The following PKN2 variants were observed in gnomAD, a reference collection of about 807,000 sequenced individuals.
PKN2 encodes protein kinase N2.
A neutral mutation model predicts 119.1 loss-of-function variants in PKN2; 38 were observed. That is an observed-to-expected ratio of 0.32 (90% CI 0.25 to 0.42). The LOEUF is 0.42. Ranked by LOEUF, PKN2 falls within the 10% of genes least tolerant of loss-of-function variation. The probability of loss-of-function intolerance (pLI) is 1.00; values close to 1 mark genes in which losing one functional copy is unlikely to be tolerated. For synonymous variants in PKN2, 390 were observed against 384.9 expected (o/e 1.01, Z -0.15); for missense variants, 850 against 1,165.1 (o/e 0.73, Z 3.94).
chr1:88,801,876 T>C (rs2100866711), intron 8 of PKN2, among the ~76,000 whole-genome samples: 2 of 152,372 alleles, frequency 1.3e-5, no homozygotes, highest in East Asian at 1.9e-4. Context: ...CCTGCATCCA[T>C]TGGCTGGAGC....
rs996487624 is a variant in PKN2, at chr1:88,729,135, C to G, written c.49-11853C>G. On this transcript the variant is annotated intron_variant, in intron 1 of 21. Transcript: ENST00000370521. ...TCTTGAACTCCTGACCTCAGGTGAT[C>G]TGCCCGCCTCGTCCTCCCAAAGTGT... Among the ~76,000 whole-genome samples, 10 of 152,252 alleles carry G rather than the reference C, an allele frequency of 6.6e-5. No individual in the cohort carries two copies. The East Asian group carries it at 1.9e-3, about 29-fold the overall frequency.
In PKN2 at chr1:88,807,391, ACTC is replaced by A. The variant is rs1671588585; in HGVS notation, c.1886_1888del (p.Pro629del). The A allele has an allele frequency of 1.9e-6, 3 of 1,603,014 alleles. No individual in the cohort carries two copies. The highest frequency in any genetic ancestry group is 2.7e-5 in the African/African-American group (2 of 74,628). Reference sequence around the variant, plus strand: ...ATCTCAATCTGAATACAAGCCTGATACTCCTCAGTCAGGCCTAGAATATAGTGG... The same window carrying A: ...ATCTCAATCTGAATACAAGCCTGATACTCAGTCAGGCCTAGAATATAGTGG... On this transcript the variant is annotated inframe_deletion, in exon 13 of 22. Transcript: ENST00000370521.
At chr1:88,769,197 C>T (rs1669786413) in intron 3 of PKN2, among the ~76,000 whole-genome samples, 2 of 152,144 alleles carry the variant, frequency 1.3e-5, no homozygotes, top group African/African-American at 4.8e-5. Flanking sequence ...TCACTTAATT[C>T]AGAGCTTTTT....
chr1:88,770,202 A>G (rs1669827538), intron 3 of PKN2, 150 bp from the exon 4 acceptor site: 1 of 475,770 alleles, frequency 2.1e-6, no homozygotes, highest in Non-Finnish European at 3.8e-6. Context: ...TTTTTAGTAA[A>G]TGTATCTATA....
intron 2 of PKN2, among the ~76,000 whole-genome samples, chr1:88,745,938 A>G (rs1318706589): frequency 1.3e-5 from 2 of 152,274 alleles, no homozygotes; most frequent in East Asian, 1.9e-4. Context: ...AATTCAAATC[A>G]ATTGATTTTT....
At chr1:88,805,037 T>C in intron 10 of PKN2, 116 bp downstream of exon 10, 1 of 568,182 alleles carries the variant, frequency 1.8e-6, no homozygotes. Context: ...ATTCATTTAT[T>C]TCTAACTTCT....
chr1:88,721,657 T>A (rs75493520), intron 1 of PKN2, among the ~76,000 whole-genome samples: 1 of 152,218 alleles, frequency 6.6e-6, no homozygotes, highest in African/African-American at 2.4e-5. Context: ...GGTATTATGG[T>A]AAGTTAATTA....
At chr1:88,785,058 T>C (rs1290750702) in intron 7 of PKN2, among the ~76,000 whole-genome samples, 1 of 152,202 alleles carries the variant, frequency 6.6e-6, no homozygotes, top group Non-Finnish European at 1.5e-5. Context: ...GAATGAAATA[T>C]TGAGCATCAC....
intron 19 of PKN2, among the ~76,000 whole-genome samples, chr1:88,830,315 T>G (rs181782885): frequency 3.7e-4 from 56 of 152,262 alleles, no homozygotes; most frequent in Non-Finnish European, 7.2e-4. Context: ...TTAGAAAAGC[T>G]GTTGTGCAGT....
chr1:88,760,331 A>G lies in PKN2; in HGVS notation c.459A>G (p.Gln153=), dbSNP rs769831827. 6.4e-7 allele frequency: 1 copy of G among 1,572,308 alleles called. No individual in the cohort carries two copies. Among genetic ancestry groups the G allele is most frequent in the South Asian group, 1.1e-5 (1 of 89,342 alleles). Residue 153 remains glutamine (Q), a synonymous_variant, in exon 3 of 22, where the codon CAA becomes CAG. Coordinates refer to ENST00000370521, the MANE Select transcript of PKN2 (RefSeq NM_006256.4). ...KQLDIELKVK[Q]GAENMIQMYS... is the part of the protein sequence containing the mutation. ...TGGATATAGAACTTAAAGTAAAACAAGGTGCAGAGAATATGATACAGATGT... is the reference window on the plus strand; with the variant it reads ...TGGATATAGAACTTAAAGTAAAACAGGGTGCAGAGAATATGATACAGATGT...
chr1:88,811,851 T>A (rs1375964144), intron 15 of PKN2, among the ~76,000 whole-genome samples: 1 of 152,226 alleles, frequency 6.6e-6, no homozygotes, highest in Non-Finnish European at 1.5e-5. Flanking sequence ...ACATTTGTGT[T>A]GCACTTTCAC....
chr1:88,705,087 A>C (rs187552958), intron 1 of PKN2, among the ~76,000 whole-genome samples: 84 of 151,176 alleles, frequency 5.6e-4, no homozygotes, highest in Non-Finnish European at 9.4e-4. Context: ...CAGATGTGTG[A>C]GTTGCAAATA....
At position 88,805,522 on chromosome 1, in the gene PKN2, A is replaced by G; in HGVS notation, c.1527A>G (p.Gln509=). 6.2e-7 allele frequency: 1 copy of G among 1,611,484 alleles called. No homozygotes were observed. Among genetic ancestry groups the G allele is most frequent in the Non-Finnish European group, 8.5e-7 (1 of 1,178,064 alleles). Residue 509 remains glutamine (Q), a synonymous_variant, in exon 11 of 22, where the codon CAA becomes CAG. Coordinates refer to ENST00000370521, the MANE Select transcript of PKN2 (RefSeq NM_006256.4). ...QQGKTFLRAP[Q]MNINIATWGR... is the part of the protein sequence containing the mutation. ...GCAAAACATTTCTCAGAGCTCCTCA[A>G]ATGAATATTAATATTGCCACTTGGG...
At chr1:88,726,631 G>A (rs1667909600) in intron 1 of PKN2, among the ~76,000 whole-genome samples, 1 of 152,066 alleles carries the variant, frequency 6.6e-6, no homozygotes, top group Admixed American at 6.6e-5. Context: ...TAGTTTTTGT[G>A]TGTATTTCTT....
At chr1:88,812,836 C>T (rs1169294682) in intron 15 of PKN2, among the ~76,000 whole-genome samples, 1 of 152,150 alleles carries the variant, frequency 6.6e-6, no homozygotes, top group South Asian at 2.1e-4. Context: ...ATTATTTTAT[C>T]TACATTTAGC....
At chr1:88,717,489 C>G (rs766157691) in intron 1 of PKN2, among the ~76,000 whole-genome samples, 1 of 151,880 alleles carries the variant, frequency 6.6e-6, no homozygotes, top group Admixed American at 6.6e-5. Context: ...AGGCTTTGTT[C>G]GTTTCTTTTT....
At chr1:88,786,303 C>A in intron 8 of PKN2, 90 bp downstream of exon 8, 1 of 603,850 alleles carries the variant, frequency 1.7e-6, no homozygotes. Context: ...AAGTTGTATT[C>A]TTAACAAGAA....
At chr1:88,744,283 AAC>A (rs1318295508) in intron 2 of PKN2, among the ~76,000 whole-genome samples, 2 of 152,200 alleles carry the variant, frequency 1.3e-5, no homozygotes, top group Admixed American at 6.5e-5. Flanking sequence ...GTGGATTTAT[AAC>A]AGAAGTGTTT....
At chr1:88,794,870 T>G (rs1032128243) in intron 8 of PKN2, among the ~76,000 whole-genome samples, 7 of 152,182 alleles carry the variant, frequency 4.6e-5, no homozygotes, top group Non-Finnish European at 7.3e-5. Context: ...TCCTTTGACC[T>G]TATCTTTATA....
Sources: allele counts gnomAD v4.1 joint callset (sites outside exome capture counted in the v4.1 genomes callset), GRCh38; gene constraint gnomAD v4.1.1; transcripts MANE v1.5; gene names NCBI Gene and HGNC (gene_info 2026-07-23, HGNC 2026-07-21).